Variants in DYSF observed in about 807,000 individuals in gnomAD.
DYSF encodes dystrophy-associated fer-1-like 1.
DYSF carries 212 observed loss-of-function variants against 274.9 expected under a neutral mutation model. That is an observed-to-expected ratio of 0.77 (90% confidence interval 0.69 to 0.86). The LOEUF (loss-of-function observed/expected upper bound fraction) is 0.86, where lower values mean the gene tolerates loss of function less well. Among genes scored for constraint, DYSF ranks in the 40% least tolerant of loss-of-function variants. DYSF has a pLI of 0.00. For synonymous variants in DYSF, 1,091 were observed against 1,078.7 expected (o/e 1.01, Z -0.22); for missense variants, 2,666 against 2,783.2 (o/e 0.96, Z 0.95).
At chr2:71,539,516 A>G (rs1044654263) in intron 17 of DYSF, among the ~76,000 whole-genome samples, 10 of 152,224 alleles carry the variant, frequency 6.6e-5, no homozygotes, top group Admixed American at 6.5e-4. Context: ...CATGCCATCC[A>G]TCAGGTCCTG....
chr2:71,664,178 T>A, intron 45 of DYSF, 90 bp from the exon 46 acceptor site: 1 of 1,551,498 alleles, frequency 6.4e-7, no homozygotes, highest in Non-Finnish European at 8.9e-7. Flanking sequence ...GAAAGAAGAC[T>A]CCCTGGGGTA....
chr2:71,560,511 T>C (rs966055352), intron 22 of DYSF, among the ~76,000 whole-genome samples: 2 of 137,786 alleles, frequency 1.5e-5, no homozygotes, highest in Admixed American at 7.3e-5. Context: ...GTAAATATTA[T>C]ATTACTACAG....
rs1386630267 is a variant in DYSF, at chr2:71,569,947, C to G, written c.2979+13C>G. On this transcript the variant is annotated intron_variant, in intron 27 of 55. Transcript: ENST00000410020. ...CTACACCGATGTGGTAAAGCAGGCA[C>G]TCAGGGGCAGGTGGGGTCTAGACAT... 6.2e-7 allele frequency: 1 copy of G among 1,611,128 alleles called. No homozygotes were observed. Among genetic ancestry groups the G allele is most frequent in the African/African-American group, 1.3e-5 (1 of 74,886 alleles).
chr2:71,611,337 C>T lies in DYSF; in HGVS notation c.4050C>T (p.Thr1350=), dbSNP rs138751942. 4.6e-5 allele frequency: 74 copies of T among 1,613,894 alleles called. No homozygotes were observed. In the African/African-American group the frequency reaches 7.3e-4, roughly 16 times the overall value. The part of the protein sequence containing the change: ...PQNIKPALQR[T]AIEILAWGLR... Reference sequence around the variant, plus strand: ...ACATCAAGCCAGCGCTCCAGCGTACCGCCATCGAGGTGAGCCGTCCGGGCC... The same window carrying T: ...ACATCAAGCCAGCGCTCCAGCGTACTGCCATCGAGGTGAGCCGTCCGGGCC... The change falls in exon 37 of 56, where the codon ACC becomes ACT. Residue 1350 remains threonine (T), a synonymous_variant. Transcript: ENST00000410020.
At chr2:71,466,366 A>T (rs909070341), upstream of DYSF, among the ~76,000 whole-genome samples, 1 of 152,138 alleles carries the variant, frequency 6.6e-6, no homozygotes, top group Non-Finnish European at 1.5e-5. Context: ...CGTCGAGCGC[A>T]CAGGGCGGCT....
intron 34 of DYSF, 148 bp from the exon 35 acceptor site, chr2:71,601,351 T>G: frequency 9.6e-7 from 1 of 1,043,766 alleles, no homozygotes; most frequent in Non-Finnish European, 1.5e-6. Context: ...ATGGGCACAG[T>G]GCCAGCCTAG....
intron 3 of DYSF, among the ~76,000 whole-genome samples, chr2:71,500,060 C>G (rs2084818398): frequency 6.6e-6 from 1 of 152,188 alleles, no homozygotes; most frequent in South Asian, 2.1e-4. Context: ...GGCCCTGGAG[C>G]CTGTGCTTCA....
chr2:71,559,742 T>C (rs2091597213), intron 22 of DYSF, among the ~76,000 whole-genome samples: 1 of 152,184 alleles, frequency 6.6e-6, no homozygotes, highest in Non-Finnish European at 1.5e-5. Flanking sequence ...GGCCACTTCC[T>C]CCAGGAAGGG....
intron 20 of DYSF, 54 bp from the exon 21 acceptor site, chr2:71,553,753 T>TCCCCCCCCCCCC: frequency 4.7e-4 from 268 of 567,188 alleles, no homozygotes; most frequent in South Asian, 1.6e-3. Flanking sequence ...TAGCACCCCA[T>TCCCCCCCCCCCC]CCCACCCGCC....
chr2:71,618,603 TGGTGG>T (rs2094002871), intron 40 of DYSF, among the ~76,000 whole-genome samples: 12 of 40,632 alleles, frequency 3.0e-4, no homozygotes, highest in Admixed American at 5.7e-4. Context: ...GTGGTAGAGG[TGGTGG>T]GTGTGGTAGA....
intron 30 of DYSF, among the ~76,000 whole-genome samples, chr2:71,575,623 T>A (rs2092677038): frequency 6.6e-6 from 1 of 151,974 alleles, no homozygotes; most frequent in South Asian, 2.1e-4. Context: ...GGGCAGGGGC[T>A]GGTGATGATC....
chr2:71,618,401 G>GTGTT (rs2093982716), intron 40 of DYSF, among the ~76,000 whole-genome samples: 1 of 109,000 alleles, frequency 9.2e-6, no homozygotes, highest in African/African-American at 3.4e-5. Flanking sequence ...GTGTGTGTGT[G>GTGTT]TGGTAGAGGT....
At chr2:71,458,993 C>T (rs2081178243) in intron 1 of DYSF, among the ~76,000 whole-genome samples, 1 of 152,192 alleles carries the variant, frequency 6.6e-6, no homozygotes, top group East Asian at 1.9e-4. Context: ...TGGTCAGAAC[C>T]AGGACTGCAT....
chr2:71,505,592 C>T (rs1385715072), intron 4 of DYSF, among the ~76,000 whole-genome samples: 4 of 152,240 alleles, frequency 2.6e-5, no homozygotes. Flanking sequence ...TCAGATATAG[C>T]ACGCTGGGCT....
At chr2:71,669,824 C>T in intron 51 of DYSF, 78 bp downstream of exon 51, 3 of 1,591,748 alleles carry the variant, frequency 1.9e-6, no homozygotes, top group Non-Finnish European at 2.6e-6. Context: ...CACGTCCCTG[C>T]CTGGCAACTG....
chr2:71,682,703 T>TG (rs1271055961), intron 55 of DYSF, 26 bp downstream of exon 55: 1 of 1,608,484 alleles, frequency 6.2e-7, no homozygotes, highest in South Asian at 1.1e-5. Context: ...GACACTGTGG[T>TG]GGGGGAACTC....
intron 12 of DYSF, among the ~76,000 whole-genome samples, chr2:71,522,518 C>T (rs530155238): frequency 2.7e-4 from 41 of 152,216 alleles, no homozygotes; most frequent in African/African-American, 8.7e-4. Context: ...TCTTCAAATT[C>T]GATGTTGCAG....
chr2:71,468,926 C>T (rs1293799857), intron 1 of DYSF, among the ~76,000 whole-genome samples: 2 of 152,226 alleles, frequency 1.3e-5, no homozygotes, highest in South Asian at 2.1e-4. Context: ...CTGGCCCAGC[C>T]TCTAGCCATC....
At chr2:71,603,928 T>C (rs1455809372) in intron 36 of DYSF, among the ~76,000 whole-genome samples, 1 of 152,218 alleles carries the variant, frequency 6.6e-6, no homozygotes, top group Non-Finnish European at 1.5e-5. Context: ...AGGGCAGGGA[T>C]CTGGCTGCAG....
Sources: allele counts gnomAD v4.1 joint callset (sites outside exome capture counted in the v4.1 genomes callset), GRCh38; gene constraint gnomAD v4.1.1; transcripts MANE v1.5; gene names NCBI Gene and HGNC (gene_info 2026-07-23, HGNC 2026-07-21).